The following AGAP1 variants were observed in gnomAD, a reference collection of about 807,000 sequenced individuals.
AGAP1 encodes the protein ArfGAP with GTPase domain, ankyrin repeat and PH domain 1.
Under a neutral mutation model 105.3 loss-of-function variants are expected in AGAP1, and 29 were observed. The ratio of observed to expected loss-of-function variants is 0.28; its 90% confidence interval spans 0.21 to 0.38. The LOEUF is 0.38. Ranked by LOEUF, AGAP1 falls within the 10% of genes least tolerant of loss-of-function variation. AGAP1 has a pLI of 1.00. For missense variants in AGAP1, 998 were observed against 1,165.1 expected (o/e 0.86, Z 2.09); for synonymous variants, 509 against 485.9 (o/e 1.05, Z -0.63).
In AGAP1 at chr2:236,130,453, A is replaced by G. The variant is rs1416557846; in HGVS notation, c.*6331A>G. The G allele has an allele frequency of 1.3e-5, 2 of 152,186 alleles. No individual in the cohort carries two copies. Among genetic ancestry groups the G allele is most frequent in the Non-Finnish European group, 2.9e-5 (2 of 68,056 alleles). The allele number at this position is 152,186 out of a possible 1,614,324, so 9.4% of individuals were successfully genotyped here. A position where few individuals can be genotyped will look rare whatever the true frequency, so the allele number is the denominator to read the frequency against. On this transcript the variant is annotated 3_prime_UTR_variant, in exon 18 of 18. Transcript: ENST00000304032. This position sits in a 1 kb window ranked among gnomAD's most constrained non-coding sequence, Gnocchi z 5.8. Reference sequence around the variant, plus strand: ...GTTGGGGAATCTTCCCAGTGGAGCAAACCCCCTTAACACACCAGCTGTTGG... The same window carrying G: ...GTTGGGGAATCTTCCCAGTGGAGCAGACCCCCTTAACACACCAGCTGTTGG...
chr2:235,825,537 CAT>C (rs1024339874), intron 9 of AGAP1, among the ~76,000 whole-genome samples: 2 of 152,086 alleles, frequency 1.3e-5, no homozygotes, highest in African/African-American at 2.4e-5. Context: ...GGGCAAAAAT[CAT>C]GTGCATTATT....
chr2:235,529,502 T>A (rs1429692781), intron 1 of AGAP1, among the ~76,000 whole-genome samples: 1 of 151,924 alleles, frequency 6.6e-6, no homozygotes, highest in Non-Finnish European at 1.5e-5. Context: ...CTCAAGCAGG[T>A]GGGGTGTCTG....
chr2:235,608,644 G>A lies in AGAP1; in HGVS notation c.164-100535G>A, dbSNP rs10187877. ...TCCAGGGTCCCAGGCCCAGAAAACA[G>A]TGGAGCCAAGAGAGGAACGAGGTCT... On this transcript the variant is annotated intron_variant, in intron 1 of 17. Transcript: ENST00000304032. This position sits in a 1 kb window ranked among gnomAD's most constrained non-coding sequence, Gnocchi z 5.4. Among the ~76,000 whole-genome samples, 92,562 of 152,100 alleles carry A rather than the reference G, an allele frequency of 0.61. 29,427 individuals carry two copies. The highest frequency in any genetic ancestry group is 0.79 in the African/African-American group (32,823 of 41,510).
intron 1 of AGAP1, among the ~76,000 whole-genome samples, chr2:235,688,304 G>A (rs868419864): frequency 8.5e-5 from 13 of 152,166 alleles, no homozygotes; most frequent in African/African-American, 1.4e-4. Flanking sequence ...TTGCTCATTG[G>A]TGTTTGAGGT....
intron 1 of AGAP1, among the ~76,000 whole-genome samples, chr2:235,563,820 A>G (rs1445460548): frequency 6.6e-6 from 1 of 152,116 alleles, no homozygotes; most frequent in Non-Finnish European, 1.5e-5. Context: ...GGACTGTTTG[A>G]TTTAATCCTT....
At chr2:235,984,308 T>C (rs1201007880) in intron 13 of AGAP1, among the ~76,000 whole-genome samples, 1 of 152,176 alleles carries the variant, frequency 6.6e-6, no homozygotes, top group Non-Finnish European at 1.5e-5. Flanking sequence ...GACACTTGGA[T>C]TGTTTCCGCC....
chr2:235,931,106 G>A lies in AGAP1; in HGVS notation c.1483+183G>A, dbSNP rs528089170. Among the ~76,000 whole-genome samples, 6 of 152,344 alleles carry A rather than the reference G, an allele frequency of 3.9e-5. No homozygotes were observed. In the South Asian group the frequency reaches 1.2e-3, roughly 32 times the overall value. On this transcript the variant is annotated intron_variant, in intron 12 of 17. Transcript: ENST00000304032. The surrounding 1 kb of genome is among the most constrained non-coding windows in gnomAD (Gnocchi z 5.6). ...TGGAACGTTTTGTCCTTGCTAGGCT[G>A]TCTTGCCCCTGTCATCTCATCTGTT... is the stretch of plus-strand genomic sequence containing the variant.
rs2058053425 is a variant in AGAP1 at position 236,056,401 on chromosome 2, T to C, written c.2114+7120T>C. 6.6e-6 allele frequency among the ~76,000 whole-genome samples: 1 copy of C among 152,206 alleles called. No homozygotes were observed. The highest frequency in any genetic ancestry group is 6.5e-5 in the Admixed American group (1 of 15,284). On this transcript the variant is annotated intron_variant, in intron 16 of 17. Transcript: ENST00000304032. This position sits in a 1 kb window ranked among gnomAD's most constrained non-coding sequence, Gnocchi z 4.6. ...GCCGTCGTGACAATTAAGGAGTTTC[T>C]GATGCTTAAGAATTTTTACTGCCCC...
Position 235,993,983 on chromosome 2 carries a change from T to G in AGAP1, c.1645+25360T>G, listed in dbSNP as rs548399734. ...GTCCTAGGAACACAGGTCCTAGGTG[T>G]TTTTTTTTAGCTTGGGAAAGTTACG... On this transcript the variant is annotated intron_variant, in intron 13 of 17. Transcript: ENST00000304032. This position sits in a 1 kb window ranked among gnomAD's most constrained non-coding sequence, Gnocchi z 5.0. Among the ~76,000 whole-genome samples the G allele has an allele frequency of 2.9e-5, 4 of 139,086 alleles. No individual in the cohort carries two copies. Among genetic ancestry groups the G allele is most frequent in the South Asian group, 5.3e-4 (2 of 3,782 alleles). 91.2% of individuals were successfully genotyped at this position (139,086 alleles called of 152,430 possible). A position where few individuals can be genotyped will look rare whatever the true frequency, so the allele number is the denominator to read the frequency against.
At chr2:235,829,924 G>A (rs1959200505) in intron 9 of AGAP1, among the ~76,000 whole-genome samples, 2 of 152,160 alleles carry the variant, frequency 1.3e-5, no homozygotes, top group South Asian at 4.2e-4. Context: ...CAGAGCTTCA[G>A]GAAGTGACAA....
chr2:235,546,654 G>T (rs979694797), intron 1 of AGAP1, among the ~76,000 whole-genome samples: 2 of 152,052 alleles, frequency 1.3e-5, no homozygotes, highest in Non-Finnish European at 2.9e-5. Flanking sequence ...CGGGTGTGTG[G>T]GGGCATCATT....
chr2:235,778,592 G>T (rs1407058265), intron 6 of AGAP1, among the ~76,000 whole-genome samples: 1 of 152,154 alleles, frequency 6.6e-6, no homozygotes, highest in Non-Finnish European at 1.5e-5. Context: ...CTCCTCCCTA[G>T]TTCAGTTCTG....
In AGAP1 at chr2:236,046,309, G is replaced by T. The variant is rs892995262; in HGVS notation, c.1892-2750G>T. 6.6e-6 allele frequency among the ~76,000 whole-genome samples: 1 copy of T among 152,190 alleles called. No individual in the cohort carries two copies. Among genetic ancestry groups the T allele is most frequent in the Non-Finnish European group, 1.5e-5 (1 of 68,034 alleles). ...GTGGTGTGACATGATCAGAGATGCC[G>T]TGTTCAGTGGGGCCCTGGCTGCTGT... On this transcript the variant is annotated intron_variant, in intron 15 of 17. Transcript: ENST00000304032. This position sits in a 1 kb window ranked among gnomAD's most constrained non-coding sequence, Gnocchi z 5.2.
chr2:235,668,362 A>G (rs1456170347), intron 1 of AGAP1, among the ~76,000 whole-genome samples: 1 of 152,208 alleles, frequency 6.6e-6, no homozygotes, highest in African/African-American at 2.4e-5. Flanking sequence ...TGAACACAAT[A>G]GGTACCCCCA....
In AGAP1 at chr2:236,058,087, T is replaced by A. The variant is rs371059114; in HGVS notation, c.2114+8806T>A. On this transcript the variant is annotated intron_variant, in intron 16 of 17. Transcript: ENST00000304032. The surrounding 1 kb of genome is among the most constrained non-coding windows in gnomAD (Gnocchi z 4.6). The stretch of plus-strand genomic sequence containing the variant: ...TTGAGCCCCACCCAAGCCTACCCAG[T>A]CAGCATCCCTAGGGGGTAGGGTCCA... 2.6e-4 allele frequency among the ~76,000 whole-genome samples: 40 copies of A among 152,258 alleles called. No homozygotes were observed. The South Asian group carries it at 7.7e-3, about 29-fold the overall frequency.
intron 1 of AGAP1, among the ~76,000 whole-genome samples, chr2:235,707,879 A>T (rs759779337): frequency 2.8e-5 from 4 of 140,788 alleles, no homozygotes; most frequent in Non-Finnish European, 4.6e-5. Context: ...GCTCCCCAGC[A>T]TGTGACCTGG....
At chr2:236,047,933 A>G (rs1187572717) in intron 15 of AGAP1, among the ~76,000 whole-genome samples, 1 of 151,988 alleles carries the variant, frequency 6.6e-6, no homozygotes, top group Non-Finnish European at 1.5e-5. Context: ...GGTATCTATC[A>G]CTGCCTTCTT....
Position 235,578,871 on chromosome 2 carries a change from C to A in AGAP1, c.163+84022C>A, listed in dbSNP as rs1030318495. Among the ~76,000 whole-genome samples, 4 of 151,400 alleles carry A rather than the reference C, an allele frequency of 2.6e-5. No homozygotes were observed. The highest frequency in any genetic ancestry group is 5.9e-5 in the Non-Finnish European group (4 of 67,900). On this transcript the variant is annotated intron_variant, in intron 1 of 17. Transcript: ENST00000304032. This position sits in a 1 kb window ranked among gnomAD's most constrained non-coding sequence, Gnocchi z 4.9. ...CCAATAGTTTTTCACTGTTGAGGGT[C>A]AAAATTTTACCTTTGTCTACCTATC...
Position 235,701,674 on chromosome 2 carries a change from G to A in AGAP1, c.164-7505G>A, listed in dbSNP as rs1206452521. Among the ~76,000 whole-genome samples, 1 of 152,132 alleles carries A rather than the reference G, an allele frequency of 6.6e-6. No homozygotes were observed. The highest frequency in any genetic ancestry group is 1.9e-4 in the East Asian group (1 of 5,196). On this transcript the variant is annotated intron_variant, in intron 1 of 17. Transcript: ENST00000304032. The surrounding 1 kb of genome is among the most constrained non-coding windows in gnomAD (Gnocchi z 4.1). ...AAATCCTACCATTGAAACTGTGCTG[G>A]TGAACTTCTGCTAAGTCCTACATTT...
Sources: allele counts gnomAD v4.1 joint callset (sites outside exome capture counted in the v4.1 genomes callset), GRCh38; gene constraint gnomAD v4.1.1; non-coding constraint Gnocchi (gnomAD v3.1); transcripts MANE v1.5; gene names NCBI Gene and HGNC (gene_info 2026-07-23, HGNC 2026-07-21).